UNC5D: variants seen among roughly 807,000 people sequenced by gnomAD.
UNC5D encodes the protein netrin receptor UNC5D.
Under a neutral mutation model 105.4 loss-of-function variants are expected in UNC5D, and 39 were observed. The ratio of observed to expected loss-of-function variants is 0.37; its 90% confidence interval spans 0.29 to 0.48. The LOEUF (loss-of-function observed/expected upper bound fraction) is 0.48. Ranked by LOEUF, UNC5D falls within the 20% of genes least tolerant of loss-of-function variation. The pLI is 0.98. For missense variants in UNC5D, 991 were observed against 1,202.4 expected (o/e 0.82, Z 2.60); for synonymous variants, 452 against 450.4 (o/e 1.00, Z -0.04).
chr8:35,603,319 G>A (rs1443020863), intron 4 of UNC5D, among the ~76,000 whole-genome samples: 3 of 152,140 alleles, frequency 2.0e-5, no homozygotes, highest in Non-Finnish European at 4.4e-5. Context: ...TCATTCAGGA[G>A]CAGGTTGTTC....
At chr8:35,323,869 G>A (rs2980407) in intron 1 of UNC5D, among the ~76,000 whole-genome samples, 124,198 of 152,024 alleles carry the variant, frequency 0.82, 51,238 homozygotes, top group East Asian at 1. Context: ...ATTCATTTTC[G>A]TTAGGAAAAT....
At position 35,300,050 on chromosome 8, in the gene UNC5D, A is replaced by G. The variant is rs554913746; in HGVS notation, c.103+64163A>G. On this transcript the variant is annotated intron_variant, in intron 1 of 16. Transcript: ENST00000404895. ...AAATCAGAAACCAGTGAAATAAATT[A>G]CCTATAGGAAGTGGATGAGGAAGGA... 1.1e-4 allele frequency among the ~76,000 whole-genome samples: 16 copies of G among 152,300 alleles called. No homozygotes were observed. In the South Asian group the frequency reaches 3.3e-3, roughly 32 times the overall value.
chr8:35,561,395 C>A (rs1202342189), intron 2 of UNC5D, among the ~76,000 whole-genome samples: 1 of 152,136 alleles, frequency 6.6e-6, no homozygotes, highest in Non-Finnish European at 1.5e-5. Flanking sequence ...CCTGAAAGAC[C>A]CCCATGCTTC....
chr8:35,501,030 C>A (rs2130239267), intron 1 of UNC5D, among the ~76,000 whole-genome samples: 1 of 152,220 alleles, frequency 6.6e-6, no homozygotes, highest in East Asian at 1.9e-4. Context: ...GGTCAGGGGA[C>A]ATGTCTGACT....
chr8:35,240,347 AT>A (rs1465206941), intron 1 of UNC5D, among the ~76,000 whole-genome samples: 39 of 152,208 alleles, frequency 2.6e-4, no homozygotes, highest in Admixed American at 4.6e-4. Context: ...AAAATAATAA[AT>A]ACATTTCTGC....
At chr8:35,240,918 C>G (rs2128800911) in intron 1 of UNC5D, among the ~76,000 whole-genome samples, 1 of 152,218 alleles carries the variant, frequency 6.6e-6, no homozygotes. Context: ...TTCTGAGTGC[C>G]AGTTTCCAAT....
chr8:35,414,272 C>T (rs995014969), intron 1 of UNC5D, among the ~76,000 whole-genome samples: 3 of 152,044 alleles, frequency 2.0e-5, no homozygotes, highest in African/African-American at 7.2e-5. Flanking sequence ...TTTGTGTGCT[C>T]TTGAATACTT....
At chr8:35,615,494 CTTTTA>C (rs1820978105) in intron 4 of UNC5D, among the ~76,000 whole-genome samples, 3 of 152,120 alleles carry the variant, frequency 2.0e-5, no homozygotes, top group African/African-American at 4.8e-5. Context: ...GCTGATCTCT[CTTTTA>C]TTTTATTTTA....
intron 1 of UNC5D, among the ~76,000 whole-genome samples, chr8:35,437,852 G>C (rs1185639529): frequency 1.3e-5 from 2 of 149,110 alleles, no homozygotes; most frequent in African/African-American, 4.9e-5. Context: ...GATTTCTTCT[G>C]AGCGGTTGAT....
At chr8:35,460,013 T>A (rs1440207464) in intron 1 of UNC5D, among the ~76,000 whole-genome samples, 1 of 152,106 alleles carries the variant, frequency 6.6e-6, no homozygotes, top group African/African-American at 2.4e-5. Flanking sequence ...ACTAGAGCAA[T>A]TAGTGAGTGT....
intron 14 of UNC5D, among the ~76,000 whole-genome samples, chr8:35,762,760 A>G (rs1225603739): frequency 1.3e-5 from 2 of 152,172 alleles, no homozygotes; most frequent in Admixed American, 6.6e-5. Context: ...TGTAATAAAC[A>G]TAATACAATA....
At chr8:35,642,909 C>G (rs1227496854) in intron 4 of UNC5D, among the ~76,000 whole-genome samples, 1 of 152,132 alleles carries the variant, frequency 6.6e-6, no homozygotes, top group Non-Finnish European at 1.5e-5. Flanking sequence ...TCTCCCCAAC[C>G]CACCCCAGAT....
At chr8:35,471,569 T>C (rs1028441999) in intron 1 of UNC5D, among the ~76,000 whole-genome samples, 3 of 152,122 alleles carry the variant, frequency 2.0e-5, no homozygotes, top group African/African-American at 7.2e-5. Flanking sequence ...AAAAGAAAAA[T>C]AGCAAAAGCA....
intron 1 of UNC5D, among the ~76,000 whole-genome samples, chr8:35,502,275 T>C (rs1812021803): frequency 6.6e-6 from 1 of 152,204 alleles, no homozygotes; most frequent in African/African-American, 2.4e-5. Flanking sequence ...AGATGAGGGA[T>C]GCCTATAACG....
At chr8:35,375,276 A>G (rs1802633644) in intron 1 of UNC5D, among the ~76,000 whole-genome samples, 1 of 152,226 alleles carries the variant, frequency 6.6e-6, no homozygotes, top group Non-Finnish European at 1.5e-5. Flanking sequence ...GAACTAAAAA[A>G]TGTCTGTTAA....
At chr8:35,267,475 G>A (rs1225708320) in intron 1 of UNC5D, among the ~76,000 whole-genome samples, 2 of 152,134 alleles carry the variant, frequency 1.3e-5, no homozygotes, top group Non-Finnish European at 2.9e-5. Flanking sequence ...GTCTCACTCT[G>A]TCACCCAGGC....
intron 1 of UNC5D, among the ~76,000 whole-genome samples, chr8:35,466,773 T>G (rs1809337090): frequency 6.6e-6 from 1 of 152,182 alleles, no homozygotes; most frequent in South Asian, 2.1e-4. Context: ...AGGTTGGTAT[T>G]CACATATATT....
At chr8:35,567,158 T>A (rs937985284) in intron 2 of UNC5D, among the ~76,000 whole-genome samples, 2 of 152,118 alleles carry the variant, frequency 1.3e-5, no homozygotes, top group Admixed American at 6.5e-5. Context: ...ACTCTTTCTA[T>A]AAAAACCCCC....
chr8:35,428,613 A>T (rs1402475164), intron 1 of UNC5D, among the ~76,000 whole-genome samples: 1 of 151,900 alleles, frequency 6.6e-6, no homozygotes, highest in African/African-American at 2.4e-5. Flanking sequence ...TATGATACAC[A>T]TGCACACTCT....
Sources: allele counts gnomAD v4.1 joint callset (sites outside exome capture counted in the v4.1 genomes callset), GRCh38; gene constraint gnomAD v4.1.1; transcripts MANE v1.5; gene names NCBI Gene and HGNC (gene_info 2026-07-23, HGNC 2026-07-21).